SCAMP4: variants seen among roughly 807,000 people sequenced by gnomAD.
The protein encoded by SCAMP4 is secretory carrier membrane protein 4, also known as secretory carrier-associated membrane protein 4.
In SCAMP4, 19 loss-of-function variants were observed where a neutral mutation model predicts 32.1. The ratio of observed to expected loss-of-function variants is 0.59; its 90% confidence interval spans 0.41 to 0.87. The LOEUF (loss-of-function observed/expected upper bound fraction) is 0.87, where lower values mean the gene tolerates loss of function less well. SCAMP4 is among the 40% of genes least tolerant of loss of function. The pLI, the probability that SCAMP4 is intolerant of heterozygous loss-of-function variation, is 0.00. For missense variants in SCAMP4, 302 were observed against 309.0 expected (o/e 0.98, Z 0.17); for synonymous variants, 152 against 132.7 (o/e 1.15, Z -1.00).
chr19:1,919,819 T>A (rs983199776), intron 5 of SCAMP4, among the ~76,000 whole-genome samples: 1 of 148,090 alleles, frequency 6.8e-6, no homozygotes, highest in Non-Finnish European at 1.5e-5. Flanking sequence ...ACTATTATTA[T>A]TTTTTTTTGA....
chr19:1,913,080 C>G, intron 1 of SCAMP4: 1 of 1,601,528 alleles, frequency 6.2e-7, no homozygotes, highest in Non-Finnish European at 8.5e-7. Context: ...ACGGCCCGAC[C>G]TCAACCACCG....
intron 6 of SCAMP4, 60 bp from the exon 7 acceptor site, chr19:1,924,048 C>G: frequency 6.8e-7 from 1 of 1,481,130 alleles, no homozygotes. Flanking sequence ...GCGTGAGTCC[C>G]CGTGCCCGGC....
intron 1 of SCAMP4, chr19:1,912,426 C>T (rs1285496608): frequency 1.5e-5 from 23 of 1,511,758 alleles, no homozygotes; most frequent in Non-Finnish European, 2.0e-5. Flanking sequence ...TGAGCTCCTG[C>T]CACGGCCGGC....
At chr19:1,915,427 C>T (rs2013700243) in intron 2 of SCAMP4, 3 of 249,040 alleles carry the variant, frequency 1.2e-5, no homozygotes, top group Admixed American at 1.0e-4. Flanking sequence ...ATCTGGCCCT[C>T]GCAGGCGCCC....
In SCAMP4 at chr19:1,923,231, A is replaced by G. The variant is rs573906816; in HGVS notation, c.513+44A>G. 7.4e-6 allele frequency: 11 copies of G among 1,477,338 alleles called. No individual in the cohort carries two copies. The East Asian group carries it at 1.8e-4, about 24-fold the overall frequency. The allele number at this position is 1,477,338 out of a possible 1,614,324, so 91.5% of individuals were successfully genotyped here. ...GACGTCCAGCCCTTACCCCTTCTCC[A>G]TGAACCTCGTCACCCAACTGTCCCA... On this transcript the variant is annotated intron_variant, in intron 6 of 6. Transcript: ENST00000316097.
intron 1 of SCAMP4, among the ~76,000 whole-genome samples, chr19:1,914,163 C>T (rs1460536026): frequency 1.3e-5 from 2 of 152,146 alleles, no homozygotes; most frequent in Non-Finnish European, 2.9e-5. Flanking sequence ...TCAGCTCCTT[C>T]CCCTGAGGGG....
chr19:1,919,178 C>CA, intron 5 of SCAMP4, 188 bp downstream of exon 5: 1 of 1,423,914 alleles, frequency 7.0e-7, no homozygotes, highest in Non-Finnish European at 9.2e-7. Context: ...CGCCAGCACC[C>CA]AGCCATGGTT....
In SCAMP4 at chr19:1,918,115, C is replaced by G. The variant is rs368065399; in HGVS notation, c.137-12C>G. The G allele has an allele frequency of 6.2e-7, 1 of 1,604,066 alleles. No individual in the cohort carries two copies. The highest frequency in any genetic ancestry group is 8.5e-7 in the Non-Finnish European group (1 of 1,174,000). On this transcript the variant is annotated splice_polypyrimidine_tract_variant and intron_variant, in intron 3 of 6. Coordinates refer to ENST00000316097, the MANE Select transcript of SCAMP4 (RefSeq NM_079834.4). Reference sequence around the variant, plus strand: ...CCGTGCCTGCTCATCCGTCCTCCCTCTCTCTTCGCAGTTTACTGCGCCACC... The same window carrying G: ...CCGTGCCTGCTCATCCGTCCTCCCTGTCTCTTCGCAGTTTACTGCGCCACC...
intron 1 of SCAMP4, chr19:1,911,908 G>A: frequency 2.8e-6 from 3 of 1,086,896 alleles, no homozygotes; most frequent in Non-Finnish European, 3.7e-6. Context: ...AGGACATGAG[G>A]GAGTGTAGCT....
intron 5 of SCAMP4, among the ~76,000 whole-genome samples, chr19:1,919,734 G>A (rs912299361): frequency 1.3e-5 from 2 of 151,754 alleles, no homozygotes; most frequent in African/African-American, 4.8e-5. Flanking sequence ...CCCGAGCTCA[G>A]GCAATCCGCC....
rs954808032 is a variant in SCAMP4, at chr19:1,924,963, C to A, written c.*679C>A. 1.3e-5 allele frequency: 2 copies of A among 152,586 alleles called. No individual in the cohort carries two copies. The highest frequency in any genetic ancestry group is 2.9e-5 in the Non-Finnish European group (2 of 68,334). 9.5% of individuals were successfully genotyped at this position (152,586 alleles called of 1,614,324 possible). A position where few individuals can be genotyped will look rare whatever the true frequency, so the allele number is the denominator to read the frequency against. ...AGGGATCCCTGGCAGGCTGTCTTTCCACGCCCCTGAGTTCAGAGTCGGGGA... is the reference window on the plus strand; with the variant it reads ...AGGGATCCCTGGCAGGCTGTCTTTCAACGCCCCTGAGTTCAGAGTCGGGGA... On this transcript the variant is annotated 3_prime_UTR_variant, in exon 7 of 7. Transcript: ENST00000316097.
chr19:1,919,257 G>A (rs956082218), intron 5 of SCAMP4: 52 of 1,317,644 alleles, frequency 3.9e-5, no homozygotes, highest in Non-Finnish European at 4.4e-5. Context: ...CCTCGCCAGC[G>A]CCCAGCCAGG....
chr19:1,914,371 C>G (rs1351275861), intron 1 of SCAMP4: 1 of 153,030 alleles, frequency 6.5e-6, no homozygotes, highest in Non-Finnish European at 1.5e-5. Context: ...GTGCCCGCCC[C>G]CTCGGGCCTG....
intron 1 of SCAMP4, chr19:1,913,312 G>C: frequency 8.7e-7 from 1 of 1,148,806 alleles, no homozygotes. Flanking sequence ...TGCGGATCGA[G>C]CTTTCCTGGA....
rs555252162 is a variant in SCAMP4, at chr19:1,918,634, C to T, written c.294-255C>T. 2.5e-5 allele frequency: 14 copies of T among 549,246 alleles called. 1 individual carries two copies. Among genetic ancestry groups the T allele is most frequent in the South Asian group, 1.6e-4 (7 of 42,912 alleles). The allele number at this position is 549,246 out of a possible 1,614,324, so 34.0% of individuals were successfully genotyped here. A position where few individuals can be genotyped will look rare whatever the true frequency, so the allele number is the denominator to read the frequency against. Reference sequence around the variant, plus strand: ...AAAATTAGCCAGGCGTGGTTGCGGGCGCCTATAATCCCAGCTACTCAGGAG... The same window carrying T: ...AAAATTAGCCAGGCGTGGTTGCGGGTGCCTATAATCCCAGCTACTCAGGAG... On this transcript the variant is annotated intron_variant, in intron 4 of 6. Transcript: ENST00000316097.
At chr19:1,919,093 A>T (rs1001859563) in intron 5 of SCAMP4, 103 bp downstream of exon 5, 10 of 1,540,726 alleles carry the variant, frequency 6.5e-6, no homozygotes, top group Non-Finnish European at 8.7e-6. Flanking sequence ...CTGGTCCGGG[A>T]TTGTACGCGC....
At chr19:1,905,493 G>T (rs540046498) in intron 1 of SCAMP4, 54 bp downstream of exon 1, 2 of 434,982 alleles carry the variant, frequency 4.6e-6, no homozygotes, top group South Asian at 3.3e-5. Context: ...TTCCCCAGAG[G>T]GGGAGTAGGG....
At chr19:1,914,932 G>A (rs781031833) in intron 1 of SCAMP4, 47 bp from the exon 2 acceptor site, 27 of 1,532,002 alleles carry the variant, frequency 1.8e-5, no homozygotes, top group Non-Finnish European at 2.4e-5. Flanking sequence ...TTAGCGCTCT[G>A]CCCAGGGCAG....
Position 1,923,205 on chromosome 19 carries a change from TGACGTCCA to T in SCAMP4, c.513+20_513+27del. On this transcript the variant is annotated intron_variant, in intron 6 of 6. Transcript: ENST00000316097. ...TCATGAAGGTGAGTCCTCGGCTTTG[TGACGTCCA>T]GCCCTTACCCCTTCTCCATGAACCT... 1.3e-6 allele frequency: 2 copies of T among 1,540,680 alleles called. No individual in the cohort carries two copies. The highest frequency in any genetic ancestry group is 1.8e-6 in the Non-Finnish European group (2 of 1,139,702).
Sources: allele counts gnomAD v4.1 joint callset (sites outside exome capture counted in the v4.1 genomes callset), GRCh38; gene constraint gnomAD v4.1.1; transcripts MANE v1.5; gene names NCBI Gene and HGNC (gene_info 2026-07-23, HGNC 2026-07-21).